The following CPSF2 variants were observed in gnomAD, a reference collection of about 807,000 sequenced individuals.
The protein encoded by CPSF2 is cleavage and polyadenylation specific factor 2.
CPSF2 carries 51 observed loss-of-function variants against 84.2 expected under a neutral mutation model. The observed-to-expected ratio is 0.61, with a 90% CI of 0.48 to 0.77. CPSF2 has a LOEUF of 0.77. CPSF2 is among the 30% of genes least tolerant of loss of function. CPSF2 has a pLI of 0.00. For synonymous variants in CPSF2, 286 were observed against 311.9 expected, an observed-to-expected ratio of 0.92 and a Z score of 0.87; for missense variants, 641 against 929.4, an observed-to-expected ratio of 0.69 and a Z score of 4.03.
chr14:92,124,293 TG>T (rs2068817970), intron 1 of CPSF2, among the ~76,000 whole-genome samples: 1 of 152,118 alleles, frequency 6.6e-6, no homozygotes, highest in Non-Finnish European at 1.5e-5. Flanking sequence ...TTTTTTAGGA[TG>T]GTCTCTGACA....
In CPSF2 at chr14:92,159,207, G is replaced by C. The variant is rs370139333; in HGVS notation, c.2046G>C (p.Leu682=). The part of the protein sequence containing the change: ...VIAQQKAMKS[L]FGDDEKETGE... ...CACAACAAAAGGCCATGAAAAGTCT[G>C]TTCGGAGATGATGAAAAAGAAACAG... Residue 682 remains leucine, a synonymous_variant, in exon 14 of 16, where the codon CTG becomes CTC. Coordinates refer to ENST00000298875, the MANE Select transcript of CPSF2 (RefSeq NM_017437.3). 81 of 1,613,686 alleles carry C rather than the reference G, an allele frequency of 5.0e-5. No individual in the cohort carries two copies. The highest frequency in any genetic ancestry group is 2.8e-4 in the Admixed American group (17 of 59,942).
chr14:92,160,382 A>G (rs2069356295), intron 14 of CPSF2, among the ~76,000 whole-genome samples: 3 of 152,262 alleles, frequency 2.0e-5, no homozygotes, highest in African/African-American at 7.2e-5. Flanking sequence ...CTTGAGAGGT[A>G]TCTAGTTAAC....
intron 2 of CPSF2, among the ~76,000 whole-genome samples, chr14:92,127,094 T>G (rs1383458557): frequency 2.0e-5 from 3 of 152,198 alleles, no homozygotes; most frequent in Non-Finnish European, 4.4e-5. Context: ...GGCGCTGGAA[T>G]GTAACTGTGA....
chr14:92,153,233 A>G (rs1289828186), intron 9 of CPSF2, among the ~76,000 whole-genome samples: 5 of 151,906 alleles, frequency 3.3e-5, no homozygotes, highest in African/African-American at 1.2e-4. Flanking sequence ...AAAATTAAGG[A>G]TCTTTTCATG....
intron 9 of CPSF2, among the ~76,000 whole-genome samples, chr14:92,149,678 A>G (rs781692327): frequency 1.3e-5 from 2 of 151,610 alleles, no homozygotes; most frequent in Admixed American, 6.6e-5. Context: ...TTTTTTTGAG[A>G]TGGGTCTTGC....
rs370020317 is a variant in CPSF2 at position 92,150,443 on chromosome 14, T to G, written c.1141-3915T>G. Among the ~76,000 whole-genome samples the G allele has an allele frequency of 1.4e-4, 22 of 151,974 alleles. 2 individuals carry two copies. Among genetic ancestry groups the G allele is most frequent in the African/African-American group, 4.8e-4 (20 of 41,484 alleles). On this transcript the variant is annotated intron_variant, in intron 9 of 15. Transcript: ENST00000298875. The stretch of plus-strand genomic sequence containing the variant: ...GGCCCTGTTTTGTGTGTGTGTTTTT[T>G]TTTTTTGAGTTTGGGTCTCTGTTGC...
At chr14:92,142,087 A>C in intron 7 of CPSF2, 77 bp from the exon 8 acceptor site, 1 of 1,113,076 alleles carries the variant, frequency 9.0e-7, no homozygotes, top group Non-Finnish European at 1.3e-6. Flanking sequence ...TAATAAAAAC[A>C]GGGAGATAAA....
chr14:92,129,566 A>G (rs2068888828), intron 2 of CPSF2, among the ~76,000 whole-genome samples: 1 of 152,190 alleles, frequency 6.6e-6, no homozygotes, highest in Non-Finnish European at 1.5e-5. Flanking sequence ...TCCTACTTGC[A>G]TAGTTAGCCA....
intron 6 of CPSF2, among the ~76,000 whole-genome samples, chr14:92,135,843 G>A (rs1476508395): frequency 6.6e-6 from 1 of 152,170 alleles, no homozygotes; most frequent in Non-Finnish European, 1.5e-5. Flanking sequence ...GTTTTGTAAC[G>A]TGATATGGTT....
chr14:92,145,760 A>G (rs1281902291), intron 9 of CPSF2, among the ~76,000 whole-genome samples: 1 of 152,232 alleles, frequency 6.6e-6, no homozygotes. Context: ...TTAAGTTTGG[A>G]AAAAAATAGA....
At chr14:92,154,755 A>G (rs1460469168) in intron 10 of CPSF2, among the ~76,000 whole-genome samples, 1 of 152,166 alleles carries the variant, frequency 6.6e-6, no homozygotes, top group East Asian at 1.9e-4. Flanking sequence ...TCATTGTGCA[A>G]ACATTAGGAT....
intron 9 of CPSF2, among the ~76,000 whole-genome samples, chr14:92,150,668 C>G (rs1300482510): frequency 6.6e-6 from 1 of 152,164 alleles, no homozygotes; most frequent in East Asian, 1.9e-4. Context: ...AAGCAATCCT[C>G]TCACCTCCGA....
intron 9 of CPSF2, among the ~76,000 whole-genome samples, chr14:92,149,332 A>G (rs983075843): frequency 1.3e-5 from 2 of 152,206 alleles, no homozygotes; most frequent in Admixed American, 6.5e-5. Flanking sequence ...GCCTATTCCT[A>G]ACACTTTGCG....
At chr14:92,161,526 C>T in intron 15 of CPSF2, 126 bp from the exon 16 acceptor site, 1 of 634,170 alleles carries the variant, frequency 1.6e-6, no homozygotes, top group Non-Finnish European at 2.5e-6. Context: ...TATCCATATG[C>T]TGTGAATCAG....
At chr14:92,133,567 C>T (rs1417670772) in intron 3 of CPSF2, among the ~76,000 whole-genome samples, 1 of 151,968 alleles carries the variant, frequency 6.6e-6, no homozygotes, top group Non-Finnish European at 1.5e-5. Flanking sequence ...CCAAGTGATC[C>T]TCCCATGTCA....
intron 4 of CPSF2, 21 bp from the exon 5 acceptor site, chr14:92,134,229 T>A (rs376143459): frequency 1.6e-5 from 25 of 1,611,270 alleles, no homozygotes; most frequent in Non-Finnish European, 2.1e-5. Context: ...TTTTTCACCT[T>A]TATTTGTGTT....
rs1002717337 is a variant in CPSF2, at chr14:92,166,067, G to T, written c.*4323G>T. 2 of 151,446 alleles carry T rather than the reference G, an allele frequency of 1.3e-5. No individual in the cohort carries two copies. The highest frequency in any genetic ancestry group is 6.7e-3 in the Middle Eastern group (2 of 298). The allele number at this position is 151,446 out of a possible 1,614,324, so 9.4% of individuals were successfully genotyped here. Reference sequence around the variant, plus strand: ...AGTAAAGACATGGTTTTGCCATGTTGGCCAGGCTGGTCCTGAACTCCTAAC... The same window carrying T: ...AGTAAAGACATGGTTTTGCCATGTTTGCCAGGCTGGTCCTGAACTCCTAAC... On this transcript the variant is annotated 3_prime_UTR_variant, in exon 16 of 16. Transcript: ENST00000298875.
rs141861423 is a variant in CPSF2, at chr14:92,126,140, A to G, written c.-75A>G. 8.7e-4 allele frequency: 132 copies of G among 152,358 alleles called. No individual in the cohort carries two copies. Among genetic ancestry groups the G allele is most frequent in the African/African-American group, 3.0e-3 (125 of 41,596 alleles). 9.4% of individuals were successfully genotyped at this position (152,358 alleles called of 1,614,324 possible). On this transcript the variant is annotated 5_prime_UTR_variant, in exon 2 of 16. Coordinates refer to ENST00000298875, the MANE Select transcript of CPSF2 (RefSeq NM_017437.3). ...TTTTTAGATTAATAAAGAACTCTTCAGAATTCCTGGTGTTTCATCATATAT... is the reference window on the plus strand; with the variant it reads ...TTTTTAGATTAATAAAGAACTCTTCGGAATTCCTGGTGTTTCATCATATAT...
At chr14:92,137,715 G>T (rs751748922) in intron 6 of CPSF2, among the ~76,000 whole-genome samples, 53 of 152,164 alleles carry the variant, frequency 3.5e-4, no homozygotes, top group Non-Finnish European at 6.6e-4. Flanking sequence ...TTCTTTGGAA[G>T]ATTATAATGG....
Sources: allele counts gnomAD v4.1 joint callset (sites outside exome capture counted in the v4.1 genomes callset), GRCh38; gene constraint gnomAD v4.1.1; transcripts MANE v1.5; gene names NCBI Gene and HGNC (gene_info 2026-07-23, HGNC 2026-07-21).